The following GOLT1A variants were observed in gnomAD, a reference collection of about 807,000 sequenced individuals.
GOLT1A encodes the protein golgi transport 1A, also known as vesicle transport protein GOT1A.
GOLT1A carries 10 observed loss-of-function variants against 16.1 expected under a neutral mutation model. That is an observed-to-expected ratio of 0.62 (90% CI 0.38 to 1.05). GOLT1A has a LOEUF of 1.05. Ranked by LOEUF, GOLT1A falls within the 50% of genes least tolerant of loss-of-function variation. The pLI, the probability that GOLT1A is intolerant of heterozygous loss-of-function variation, is 0.01. For synonymous variants in GOLT1A, 60 were observed against 67.9 expected, an observed-to-expected ratio of 0.88 and a Z score of 0.57; for missense variants, 137 against 165.7, an observed-to-expected ratio of 0.83 and a Z score of 0.95.
chr1:204,199,136 G>A (rs775280860), intron 4 of GOLT1A, 59 bp downstream of exon 4: 23 of 1,430,942 alleles, frequency 1.6e-5, no homozygotes, highest in East Asian at 7.3e-5. Flanking sequence ...GCTCCCCTCC[G>A]TGTGCTCCCC....
chr1:204,213,002 A>T (rs1381228343), intron 1 of GOLT1A, among the ~76,000 whole-genome samples: 2 of 151,996 alleles, frequency 1.3e-5, no homozygotes, highest in Admixed American at 1.3e-4. Flanking sequence ...CTCACTTCCT[A>T]TAGATCTCTG....
At chr1:204,211,468 A>G (rs1329968715) in intron 1 of GOLT1A, among the ~76,000 whole-genome samples, 11 of 152,112 alleles carry the variant, frequency 7.2e-5, no homozygotes, top group Non-Finnish European at 1.6e-4. Context: ...CCTGCCTCTC[A>G]CTTGTTACTT....
intron 1 of GOLT1A, 79 bp downstream of exon 1, chr1:204,213,799 CAGAG>C: frequency 6.7e-7 from 1 of 1,497,870 alleles, no homozygotes; most frequent in Admixed American, 1.8e-5. Flanking sequence ...CTTGTAGTGA[CAGAG>C]AGCCCAGCTG....
At chr1:204,202,200 C>T (rs1037858075) in intron 2 of GOLT1A, among the ~76,000 whole-genome samples, 1 of 151,828 alleles carries the variant, frequency 6.6e-6, no homozygotes, top group Non-Finnish European at 1.5e-5. Flanking sequence ...GAAAGTCACA[C>T]AGAACCTTCA....
chr1:204,206,173 G>A (rs1659036421), intron 1 of GOLT1A, among the ~76,000 whole-genome samples: 1 of 152,172 alleles, frequency 6.6e-6, no homozygotes, highest in Non-Finnish European at 1.5e-5. Context: ...AGTCTTACTG[G>A]ATCTCACTTT....
chr1:204,199,210 G>A lies in GOLT1A; in HGVS notation c.345C>T (p.Ile115=). The A allele has an allele frequency of 3.1e-6, 5 of 1,601,026 alleles. No individual in the cohort carries two copies. The highest frequency in any genetic ancestry group is 4.3e-6 in the Non-Finnish European group (5 of 1,174,810). Residue 115 remains isoleucine, a synonymous_variant, in exon 4 of 5, where the codon ATC becomes ATT. Transcript: ENST00000308302. Reference sequence around the variant, plus strand: ...ATCTGCTTACCGCACCCAGGAAGGGGATGTTGCAGACATTGCCCAGGAAGC... The same window carrying A: ...ATCTGCTTACCGCACCCAGGAAGGGAATGTTGCAGACATTGCCCAGGAAGC... The part of the protein sequence containing the change: ...AFGFLGNVCN[I]PFLGALFRRL...
chr1:204,207,488 GCCCATGGCCA>G (rs1659059728), intron 1 of GOLT1A, among the ~76,000 whole-genome samples: 1 of 152,188 alleles, frequency 6.6e-6, no homozygotes, highest in South Asian at 2.1e-4. Flanking sequence ...GCCAAGAAGA[GCCCATGGCCA>G]CCCGATACGG....
In GOLT1A at chr1:204,209,966, G is replaced by A. The variant is rs189236839; in HGVS notation, c.25+3916C>T. Among the ~76,000 whole-genome samples, 270 of 152,320 alleles carry A rather than the reference G, an allele frequency of 1.8e-3. 2 individuals carry two copies. The highest frequency in any genetic ancestry group is 6.3e-3 in the African/African-American group (261 of 41,574). The stretch of plus-strand genomic sequence containing the variant: ...CCAGCTACTTGGGAGGCTGAGGCAG[G>A]AGAATCGCTTGAACCCGGGAGGCAG... On this transcript the variant is annotated intron_variant, in intron 1 of 4. Coordinates refer to ENST00000308302, the MANE Select transcript of GOLT1A (RefSeq NM_198447.2).
At chr1:204,200,295 ATG>A (rs150180519) in intron 3 of GOLT1A, among the ~76,000 whole-genome samples, 1 of 97,444 alleles carries the variant, frequency 1.0e-5, no homozygotes, top group Non-Finnish European at 2.0e-5. Context: ...AATGACATAT[ATG>A]TGTATATATA....
chr1:204,211,992 C>T (rs1659144816), intron 1 of GOLT1A, among the ~76,000 whole-genome samples: 1 of 152,042 alleles, frequency 6.6e-6, no homozygotes, highest in Admixed American at 6.6e-5. Flanking sequence ...TGCTCATAGT[C>T]CTAAAAACCA....
chr1:204,199,216 G>A lies in GOLT1A; in HGVS notation c.339C>T (p.Cys113=). 6.2e-7 allele frequency: 1 copy of A among 1,602,358 alleles called. No individual in the cohort carries two copies. The highest frequency in any genetic ancestry group is 8.5e-7 in the Non-Finnish European group (1 of 1,175,388). The change falls in exon 4 of 5, where the codon TGC becomes TGT. Residue 113 remains cysteine, a synonymous_variant. Coordinates refer to ENST00000308302, the MANE Select transcript of GOLT1A (RefSeq NM_198447.2). ...PVAFGFLGNV[C]NIPFLGALFR... is the part of the protein sequence containing the mutation. The stretch of plus-strand genomic sequence containing the variant: ...TTACCGCACCCAGGAAGGGGATGTT[G>A]CAGACATTGCCCAGGAAGCCGAAGG...
chr1:204,207,568 A>G (rs1659061296), intron 1 of GOLT1A, among the ~76,000 whole-genome samples: 1 of 152,210 alleles, frequency 6.6e-6, no homozygotes, highest in Non-Finnish European at 1.5e-5. Flanking sequence ...GCCAGGTTCA[A>G]TGTCTTTCTT....
chr1:204,199,113 A>G (rs1362478626), intron 4 of GOLT1A, 82 bp downstream of exon 4: 2 of 1,239,960 alleles, frequency 1.6e-6, no homozygotes, highest in Admixed American at 4.0e-5. Flanking sequence ...CCCCTGGGGC[A>G]GCAGTTTTAC....
intron 1 of GOLT1A, 90 bp downstream of exon 1, chr1:204,213,792 G>T: frequency 6.9e-7 from 1 of 1,448,666 alleles, no homozygotes; most frequent in Non-Finnish European, 9.5e-7. Context: ...GGTCACGCTT[G>T]TAGTGACAGA....
At chr1:204,213,839 C>T (rs759610795) in intron 1 of GOLT1A, 43 bp downstream of exon 1, 1 of 1,606,476 alleles carries the variant, frequency 6.2e-7, no homozygotes. Context: ...CGGCAGGGAG[C>T]CTGGCCTGGA....
intron 3 of GOLT1A, among the ~76,000 whole-genome samples, chr1:204,200,603 T>C (rs1386665007): frequency 6.6e-6 from 1 of 151,852 alleles, no homozygotes; most frequent in Non-Finnish European, 1.5e-5. Context: ...GCTGGGATTA[T>C]AGGTGTGAGC....
At chr1:204,201,867 G>A in intron 2 of GOLT1A, 56 bp from the exon 3 acceptor site, 1 of 1,538,482 alleles carries the variant, frequency 6.5e-7, no homozygotes, top group South Asian at 1.2e-5. Context: ...GAGGAGTGAG[G>A]GACTTAGGCC....
chr1:204,198,221 G>A lies in GOLT1A; in HGVS notation c.*237C>T, dbSNP rs1658892235. ...TTCCTCCCATAAATATAGAGTGAGG[G>A]TGTGATACCAGCCCCAGCCCAGTCT... On this transcript the variant is annotated 3_prime_UTR_variant, in exon 5 of 5. Coordinates refer to ENST00000308302, the MANE Select transcript of GOLT1A (RefSeq NM_198447.2). The A allele has an allele frequency of 1.1e-5, 6 of 532,648 alleles. No homozygotes were observed. Among genetic ancestry groups the A allele is most frequent in the Middle Eastern group, 4.9e-4 (1 of 2,040 alleles). 33.0% of individuals were successfully genotyped at this position (532,648 alleles called of 1,614,324 possible).
chr1:204,208,502 A>ATATATATATATATATAT (rs1491494433), intron 1 of GOLT1A, among the ~76,000 whole-genome samples: 1 of 62,098 alleles, frequency 1.6e-5, no homozygotes, highest in African/African-American at 7.0e-5. Context: ...ATATATATAT[A>ATATATATATATATATAT]AAAAATGAAC....
Sources: allele counts gnomAD v4.1 joint callset (sites outside exome capture counted in the v4.1 genomes callset), GRCh38; gene constraint gnomAD v4.1.1; transcripts MANE v1.5; gene names NCBI Gene and HGNC (gene_info 2026-07-23, HGNC 2026-07-21).